The following BAZ2B variants were observed in gnomAD, a reference collection of about 807,000 sequenced individuals.
BAZ2B encodes the protein bromodomain adjacent to zinc finger domain protein 2B.
In BAZ2B, 91 loss-of-function variants were observed where a neutral mutation model predicts 246.0. That is an observed-to-expected ratio of 0.37 (90% confidence interval 0.31 to 0.44). BAZ2B has a LOEUF of 0.44. Among genes scored for constraint, BAZ2B ranks in the 20% least tolerant of loss-of-function variants. The probability of loss-of-function intolerance (pLI) is 1.00; values close to 1 mark genes in which losing one functional copy is unlikely to be tolerated. For missense variants in BAZ2B, 2,332 were observed against 2,533.7 expected, an observed-to-expected ratio of 0.92 and a Z score of 1.71; for synonymous variants, 855 against 860.0, an observed-to-expected ratio of 0.99 and a Z score of 0.10.
In BAZ2B at chr2:159,382,757, T is replaced by C. The variant is rs375109746; in HGVS notation, c.3807A>G (p.Ser1269=). The C allele has an allele frequency of 5.7e-5, 92 of 1,613,806 alleles. No individual in the cohort carries two copies. The highest frequency in any genetic ancestry group is 1.6e-4 in the Middle Eastern group (1 of 6,062). Residue 1269 remains serine (S), a synonymous_variant, in exon 25 of 37, where the codon TCA becomes TCG. Transcript: ENST00000392783. ...GCTCTTCTCCCAGATCAATGCCACC[T>C]GAAGTGTCTCTTTTGCCTGTTTTCT... is the stretch of plus-strand genomic sequence containing the variant. ...HAKKTGKRDT[S]GGIDLGEEQH... is the part of the protein sequence containing the mutation.
intron 2 of BAZ2B, among the ~76,000 whole-genome samples, chr2:159,552,097 T>A (rs764188549): frequency 1.1e-4 from 17 of 152,314 alleles, no homozygotes; most frequent in Non-Finnish European, 1.8e-4. Context: ...TCTCTAGACC[T>A]TGGTTTTCTC....
chr2:159,560,316 A>C (rs1306255451), intron 1 of BAZ2B, among the ~76,000 whole-genome samples: 2 of 152,192 alleles, frequency 1.3e-5, no homozygotes, highest in Non-Finnish European at 2.9e-5. Flanking sequence ...AAAATATTTA[A>C]TCATTCATTT....
At chr2:159,444,625 A>G (rs1201558165) in intron 6 of BAZ2B, 1 of 152,262 alleles carries the variant, frequency 6.6e-6, no homozygotes, top group African/African-American at 2.4e-5. Flanking sequence ...AGTAGTTCTT[A>G]GGATTAAAAA....
At chr2:159,487,400 G>A in intron 2 of BAZ2B, among the ~76,000 whole-genome samples, 1 of 152,184 alleles carries the variant, frequency 6.6e-6, no homozygotes, top group South Asian at 2.1e-4. Context: ...TAAACCATTG[G>A]TTTAATGAAT....
chr2:159,348,390 T>C (rs1192036145), intron 30 of BAZ2B, among the ~76,000 whole-genome samples: 1 of 150,732 alleles, frequency 6.6e-6, no homozygotes, highest in East Asian at 2.0e-4. Flanking sequence ...CCCATATGCT[T>C]CAAGTTATTT....
At chr2:159,682,424 C>T in the BAZ2B span, among the ~76,000 whole-genome samples, 2 of 152,112 alleles carry the variant, frequency 1.3e-5, no homozygotes, top group Non-Finnish European at 2.9e-5. Flanking sequence ...AGTGATCTTC[C>T]TGCCTGGGCT....
intron 27 of BAZ2B, among the ~76,000 whole-genome samples, chr2:159,364,744 C>T (rs902414852): frequency 1.3e-4 from 20 of 152,162 alleles, no homozygotes; most frequent in Non-Finnish European, 2.8e-4. Context: ...CAAAACCCAC[C>T]TGTACTTACA....
the BAZ2B span, among the ~76,000 whole-genome samples, chr2:159,656,034 T>C: frequency 6.6e-6 from 1 of 152,134 alleles, no homozygotes; most frequent in African/African-American, 2.4e-5. Flanking sequence ...AGTTTTGACT[T>C]TTAGAGAGCA....
intron 1 of BAZ2B, among the ~76,000 whole-genome samples, chr2:159,599,961 A>G (rs989322143): frequency 4.6e-5 from 7 of 151,622 alleles, no homozygotes; most frequent in Non-Finnish European, 7.4e-5. Flanking sequence ...AAAGAAAAGA[A>G]AAAGAAAGAA....
At chr2:159,332,832 T>A in intron 33 of BAZ2B, 146 bp from the exon 34 acceptor site, 1 of 900,364 alleles carries the variant, frequency 1.1e-6, no homozygotes, top group Non-Finnish European at 1.7e-6. Context: ...CACATCTATG[T>A]ATCTTTCGTT....
chr2:159,678,862 C>A, the BAZ2B span, among the ~76,000 whole-genome samples: 1 of 152,174 alleles, frequency 6.6e-6, no homozygotes, highest in Admixed American at 6.6e-5. Flanking sequence ...AACTACTGAT[C>A]TGTTTTCTAA....
At chr2:159,642,609 TG>T in the BAZ2B span, among the ~76,000 whole-genome samples, 1 of 152,068 alleles carries the variant, frequency 6.6e-6, no homozygotes, top group African/African-American at 2.4e-5. Flanking sequence ...TGGCAAAACA[TG>T]GAAAACTTTC....
intron 27 of BAZ2B, among the ~76,000 whole-genome samples, chr2:159,358,433 C>T (rs2149256576): frequency 6.6e-6 from 1 of 152,224 alleles, no homozygotes; most frequent in Middle Eastern, 3.4e-3. Context: ...TATGTATGCA[C>T]CCAATACAGC....
the BAZ2B span, among the ~76,000 whole-genome samples, chr2:159,676,453 C>T: frequency 1.3e-5 from 2 of 152,230 alleles, no homozygotes; most frequent in East Asian, 3.9e-4. Context: ...CATTATATTT[C>T]TCCTAAATGA....
intron 2 of BAZ2B, among the ~76,000 whole-genome samples, chr2:159,551,391 C>A (rs1559753890): frequency 6.7e-6 from 1 of 149,224 alleles, no homozygotes; most frequent in Non-Finnish European, 1.5e-5. Flanking sequence ...ATGGTGTGAA[C>A]CCGGGAGGTG....
In BAZ2B at chr2:159,614,961, TAA is replaced by T. The variant is rs529053374; in HGVS notation, c.-46+1279_-46+1280del. Among the ~76,000 whole-genome samples, 815 of 151,800 alleles carry T rather than the reference TAA, an allele frequency of 5.4e-3. 4 individuals carry two copies. The highest frequency in any genetic ancestry group is 0.03 in the South Asian group (144 of 4,814). On this transcript the variant is annotated intron_variant, in intron 1 of 36. Transcript: ENST00000392783. Reference sequence around the variant, plus strand: ...AATACTTCTTTCCTTTCCTCAAAAATAAAAAAGAGAGAGACTTGGGAATAAAA... The same window carrying T: ...AATACTTCTTTCCTTTCCTCAAAAATAAAAGAGAGAGACTTGGGAATAAAA...
chr2:159,671,539 T>A, the BAZ2B span, among the ~76,000 whole-genome samples: 2 of 152,202 alleles, frequency 1.3e-5, no homozygotes, highest in African/African-American at 4.8e-5. Flanking sequence ...ACAACAGTTA[T>A]TTATTGGGAC....
the BAZ2B span, among the ~76,000 whole-genome samples, chr2:159,683,439 AC>A: frequency 6.6e-6 from 1 of 152,176 alleles, no homozygotes; most frequent in African/African-American, 2.4e-5. Context: ...ATAAGTTAAA[AC>A]AAACACATAG....
intron 1 of BAZ2B, among the ~76,000 whole-genome samples, chr2:159,608,239 C>T (rs527689679): frequency 1.3e-5 from 2 of 152,174 alleles, no homozygotes; most frequent in East Asian, 1.9e-4. Flanking sequence ...CCAGGCATGG[C>T]AGCGTAAGCC....
Sources: gnomAD v4.1 joint callset for allele counts (sites outside exome capture counted in the v4.1 genomes callset) on GRCh38, gnomAD v4.1.1 for gene constraint, MANE v1.5 for transcripts, NCBI Gene and HGNC (gene_info 2026-07-23, HGNC 2026-07-21) for gene names.